The following SLC25A11 variants were observed in gnomAD, a reference collection of about 807,000 sequenced individuals.
SLC25A11 encodes solute carrier family 25 member 11, also known as mitochondrial 2-oxoglutarate/malate carrier protein.
SLC25A11 carries 11 observed loss-of-function variants against 32.7 expected under a neutral mutation model. The observed-to-expected ratio is 0.34, with a 90% CI of 0.21 to 0.56. The LOEUF is 0.56. Among genes scored for constraint, SLC25A11 ranks in the 20% least tolerant of loss-of-function variants. The probability of loss-of-function intolerance (pLI) is 0.90; values close to 1 mark genes in which losing one functional copy is unlikely to be tolerated. For synonymous variants in SLC25A11, 163 were observed against 168.3 expected, an observed-to-expected ratio of 0.97 and a Z score of 0.24; for missense variants, 295 against 426.3, an observed-to-expected ratio of 0.69 and a Z score of 2.71.
rs1045308445 is a variant in SLC25A11, at chr17:4,939,726, T to C, written c.95+90A>G. ...TCGCGCTGACCCCGTGCCGGCACAGTTCACTGCAACAGACCCAGAGATGAA... is the reference window on the plus strand; with the variant it reads ...TCGCGCTGACCCCGTGCCGGCACAGCTCACTGCAACAGACCCAGAGATGAA... On this transcript the variant is annotated intron_variant, in intron 1 of 7. Coordinates refer to ENST00000225665, the MANE Select transcript of SLC25A11 (RefSeq NM_003562.5). This position sits in a 1 kb window ranked among gnomAD's most constrained non-coding sequence, Gnocchi z 4.1. The C allele has an allele frequency of 1.1e-5, 11 of 1,030,224 alleles. No individual in the cohort carries two copies. Among genetic ancestry groups the C allele is most frequent in the Non-Finnish European group, 1.6e-5 (11 of 675,732 alleles). The allele number at this position is 1,030,224 out of a possible 1,614,324, so 63.8% of individuals were successfully genotyped here. A position where few individuals can be genotyped will look rare whatever the true frequency, so the allele number is the denominator to read the frequency against.
In SLC25A11 at chr17:4,938,240, G is replaced by A; in HGVS notation, c.651C>T (p.Asp217=). Residue 217 remains aspartate (D), a synonymous_variant, in exon 6 of 8, where the codon GAC becomes GAT. Coordinates refer to ENST00000225665, the MANE Select transcript of SLC25A11 (RefSeq NM_003562.5). This position sits in a 1 kb window ranked among gnomAD's most constrained non-coding sequence, Gnocchi z 7.6. ...TGGCACAGAAGTGGCACAAGATGTT[G>A]TCAGAGAAGTAGCCTGGGGGAGGTG... ...QFLLDSGYFS[D]NILCHFCASM... is the part of the protein sequence containing the mutation. The A allele has an allele frequency of 6.2e-7, 1 of 1,613,676 alleles. No homozygotes were observed. The highest frequency in any genetic ancestry group is 8.5e-7 in the Non-Finnish European group (1 of 1,179,756).
In SLC25A11 at chr17:4,939,773, C is replaced by A. The variant is rs1201997179; in HGVS notation, c.95+43G>T. 6.5e-7 allele frequency: 1 copy of A among 1,534,906 alleles called. No homozygotes were observed. The highest frequency in any genetic ancestry group is 1.7e-5 in the Admixed American group (1 of 58,330). On this transcript the variant is annotated intron_variant, in intron 1 of 7. Coordinates refer to ENST00000225665, the MANE Select transcript of SLC25A11 (RefSeq NM_003562.5). This position sits in a 1 kb window ranked among gnomAD's most constrained non-coding sequence, Gnocchi z 4.1. ...TGAACCGGGCCCGGTTCCTTTTGCC[C>A]TTCCCTTCCTCCTCTTTTCCCATCC...
rs1970496347 is a variant in SLC25A11 at position 4,938,505 on chromosome 17, C to A, written c.546+7G>T. On this transcript the variant is annotated splice_region_variant and intron_variant, in intron 4 of 7. Coordinates refer to ENST00000225665, the MANE Select transcript of SLC25A11 (RefSeq NM_003562.5). This position sits in a 1 kb window ranked among gnomAD's most constrained non-coding sequence, Gnocchi z 7.6. ...ACAGCCCCCAAGTCTCCAGCCCCTCCACTCACCCGCCACAGTGTGAGGACA... is the reference window on the plus strand; with the variant it reads ...ACAGCCCCCAAGTCTCCAGCCCCTCAACTCACCCGCCACAGTGTGAGGACA... The A allele has an allele frequency of 6.2e-7, 1 of 1,613,746 alleles. No homozygotes were observed. Among genetic ancestry groups the A allele is most frequent in the Non-Finnish European group, 8.5e-7 (1 of 1,179,800 alleles).
chr17:4,939,865 G>A lies in SLC25A11; in HGVS notation c.46C>T (p.Pro16Ser). The A allele has an allele frequency of 1.9e-6, 3 of 1,612,272 alleles. No individual in the cohort carries two copies. The highest frequency in any genetic ancestry group is 2.5e-6 in the Non-Finnish European group (3 of 1,179,586). Residue 16 changes from proline (P) to serine (S), a missense_variant, in exon 1 of 8, where the codon CCC becomes TCC. Around this residue, in one of 3 missense-constraint regions of SLC25A11, gnomAD observed 104 missense variants for 121.5 expected, o/e 0.86. Transcript: ENST00000225665. This position sits in a 1 kb window ranked among gnomAD's most constrained non-coding sequence, Gnocchi z 4.1. ...TTGACGGACTTAGGGGAGGTACGGG[G>A]CTTCCCGTCTATCCCGCCGGCCCCG... ...SAGAGGIDGK[P>S]RTSPKSVKFL...
Position 4,939,845 on chromosome 17 carries a change from G to A in SLC25A11, c.66C>T (p.Ser22=), listed in dbSNP as rs185637894. ...IDGKPRTSPK[S]VKFLFGGLAG... ...CCAGGCCCCCAAACAGGAACTTGACGGACTTAGGGGAGGTACGGGGCTTCC... is the reference window on the plus strand; with the variant it reads ...CCAGGCCCCCAAACAGGAACTTGACAGACTTAGGGGAGGTACGGGGCTTCC... The change falls in exon 1 of 8, where the codon TCC becomes TCT. Residue 22 remains serine (S), a synonymous_variant. Coordinates refer to ENST00000225665, the MANE Select transcript of SLC25A11 (RefSeq NM_003562.5). The surrounding 1 kb of genome is among the most constrained non-coding windows in gnomAD (Gnocchi z 4.1). 106 of 1,612,626 alleles carry A rather than the reference G, an allele frequency of 6.6e-5. No homozygotes were observed. The highest frequency in any genetic ancestry group is 8.6e-5 in the Non-Finnish European group (102 of 1,179,696).
chr17:4,937,664 G>A lies in SLC25A11; in HGVS notation c.*77C>T, dbSNP rs987695589. On this transcript the variant is annotated 3_prime_UTR_variant, in exon 8 of 8. Transcript: ENST00000225665. ...CTGTGGAAGGGAAATAAATAGAGGG[G>A]TCCAGGGCAGCAGAGCCCAGGCCCC... The A allele has an allele frequency of 3.4e-6, 5 of 1,490,538 alleles. No homozygotes were observed. Among genetic ancestry groups the A allele is most frequent in the South Asian group, 2.6e-5 (2 of 75,476 alleles). 92.3% of individuals were successfully genotyped at this position (1,490,538 alleles called of 1,614,324 possible). A position where few individuals can be genotyped will look rare whatever the true frequency, so the allele number is the denominator to read the frequency against.
chr17:4,939,678 G>C lies in SLC25A11; in HGVS notation c.95+138C>G, dbSNP rs1970590357. On this transcript the variant is annotated intron_variant, in intron 1 of 7. Transcript: ENST00000225665. This position sits in a 1 kb window ranked among gnomAD's most constrained non-coding sequence, Gnocchi z 4.1. ...GCAATGGGGCCCTAGCAGCCCATCG[G>C]GGAACTCGCAATACGCTGGAGATCG... 1.3e-6 allele frequency: 1 copy of C among 741,916 alleles called. No individual in the cohort carries two copies. Among genetic ancestry groups the C allele is most frequent in the African/African-American group, 1.8e-5 (1 of 55,280 alleles). 46.0% of individuals were successfully genotyped at this position (741,916 alleles called of 1,614,324 possible).
In SLC25A11 at chr17:4,937,798, G is replaced by C; in HGVS notation, c.888C>G (p.Thr296=). 1 of 1,614,176 alleles carries C rather than the reference G, an allele frequency of 6.2e-7. No individual in the cohort carries two copies. Among genetic ancestry groups the C allele is most frequent in the East Asian group, 2.2e-5 (1 of 44,894 alleles). Residue 296 remains threonine (T), a synonymous_variant, in exon 8 of 8, where the codon ACC becomes ACG. Coordinates refer to ENST00000225665, the MANE Select transcript of SLC25A11 (RefSeq NM_003562.5). ...TGTTCATCTGCTCCAAGAAGATGAA[G>C]GTGAGGACGGTGTGGGGGCCCAGGC... ...YARLGPHTVL[T]FIFLEQMNKA... is the part of the protein sequence containing the mutation.
chr17:4,939,143 C>A lies in SLC25A11; in HGVS notation c.165G>T (p.Gly55=). The change falls in exon 2 of 8, where the codon GGG becomes GGT. Residue 55 remains glycine, a synonymous_variant. Coordinates refer to ENST00000225665, the MANE Select transcript of SLC25A11 (RefSeq NM_003562.5). This position sits in a 1 kb window ranked among gnomAD's most constrained non-coding sequence, Gnocchi z 4.1. ...VKNRMQLSGE[G]AKTREYKTSF... ...TGGTTTTGTACTCTCGAGTCTTGGC[C>A]CCTTCCCCGCTCAACTGCATCCGGT... 1 of 1,613,976 alleles carries A rather than the reference C, an allele frequency of 6.2e-7. No homozygotes were observed. The highest frequency in any genetic ancestry group is 1.6e-4 in the Middle Eastern group (1 of 6,062).
In SLC25A11 at chr17:4,938,582, C is replaced by T. The variant is rs1027843953; in HGVS notation, c.476G>A (p.Arg159His). ...ADGRLPADQRRGYKNVFNALI... is the reference protein window; with the variant it reads ...ADGRLPADQRHGYKNVFNALI... Reference sequence around the variant, plus strand: ...GGCGTTAAACACATTTTTGTAGCCACGGCGCTGGTCAGCTGGAAGCCTGGT... The same window carrying T: ...GGCGTTAAACACATTTTTGTAGCCATGGCGCTGGTCAGCTGGAAGCCTGGT... The change falls in exon 4 of 8, where the codon CGT (arginine) becomes CAT (histidine). Residue 159 changes from arginine (R) to histidine (H), a missense_variant. Around this residue, in one of 3 missense-constraint regions of SLC25A11, gnomAD observed 49 missense variants for 106.9 expected, o/e 0.46. Transcript: ENST00000225665. This position sits in a 1 kb window ranked among gnomAD's most constrained non-coding sequence, Gnocchi z 7.6. 4 of 1,614,050 alleles carry T rather than the reference C, an allele frequency of 2.5e-6. No individual in the cohort carries two copies. Among genetic ancestry groups the T allele is most frequent in the South Asian group, 1.1e-5 (1 of 91,084 alleles).
Position 4,939,934 on chromosome 17 carries a change from C to T in SLC25A11, c.-24G>A. 6.3e-7 allele frequency: 1 copy of T among 1,587,464 alleles called. No individual in the cohort carries two copies. The highest frequency in any genetic ancestry group is 1.4e-5 in the African/African-American group (1 of 73,006). On this transcript the variant is annotated 5_prime_UTR_variant, in exon 1 of 8. Coordinates refer to ENST00000225665, the MANE Select transcript of SLC25A11 (RefSeq NM_003562.5). The surrounding 1 kb of genome is among the most constrained non-coding windows in gnomAD (Gnocchi z 4.1). ...ATCGCCACTCAATGGCCCTCGGCTC[C>T]GGGTCCCGTGCGCGCGCGGCCCCGC... is the stretch of plus-strand genomic sequence containing the variant.
In SLC25A11 at chr17:4,938,060, C is replaced by T. The variant is rs756175623; in HGVS notation, c.752G>A (p.Arg251Gln). Residue 251 changes from arginine to glutamine, a missense_variant, in exon 7 of 8, where the codon CGG (arginine) becomes CAG (glutamine). By Grantham distance (43) the Arg-to-Gln change is conservative (BLOSUM62 1). Coordinates refer to ENST00000225665, the MANE Select transcript of SLC25A11 (RefSeq NM_003562.5). The surrounding 1 kb of genome is among the most constrained non-coding windows in gnomAD (Gnocchi z 7.6). ...GTATTCCGGCTTCCCATCAATCATC[C>T]GCATGTTCTGGATTCTGCAGGAGAG... ...DIAKTRIQNM[R>Q]MIDGKPEYKN... The T allele has an allele frequency of 3.7e-6, 6 of 1,614,156 alleles. No homozygotes were observed. Among genetic ancestry groups the T allele is most frequent in the Admixed American group, 3.3e-5 (2 of 60,020 alleles).
chr17:4,939,964 G>C lies in SLC25A11; in HGVS notation c.-54C>G. ...CCCGTGCGCGCGCGGCCCCGCTCGCGCCCAAGGTGACACCGCGCGCGCAAC... is the reference window on the plus strand; with the variant it reads ...CCCGTGCGCGCGCGGCCCCGCTCGCCCCCAAGGTGACACCGCGCGCGCAAC... On this transcript the variant is annotated 5_prime_UTR_variant, in exon 1 of 8. Transcript: ENST00000225665. The surrounding 1 kb of genome is among the most constrained non-coding windows in gnomAD (Gnocchi z 4.1). 7.1e-7 allele frequency: 1 copy of C among 1,412,492 alleles called. No homozygotes were observed. Among genetic ancestry groups the C allele is most frequent in the Non-Finnish European group, 9.6e-7 (1 of 1,045,664 alleles). 87.5% of individuals were successfully genotyped at this position (1,412,492 alleles called of 1,614,324 possible). A position where few individuals can be genotyped will look rare whatever the true frequency, so the allele number is the denominator to read the frequency against.
In SLC25A11 at chr17:4,939,998, GGC is replaced by G; in HGVS notation, c.-90_-89del. 1.1e-6 allele frequency: 1 copy of G among 920,924 alleles called. No individual in the cohort carries two copies. Among genetic ancestry groups the G allele is most frequent in the Admixed American group, 4.2e-5 (1 of 23,974 alleles). 57.0% of individuals were successfully genotyped at this position (920,924 alleles called of 1,614,324 possible). On this transcript the variant is annotated 5_prime_UTR_variant, in exon 1 of 8. Transcript: ENST00000225665. This position sits in a 1 kb window ranked among gnomAD's most constrained non-coding sequence, Gnocchi z 4.1. ...GACACCGCGCGCGCAACAGAGCGAG[GGC>G]GCGCGCACGCCCCTCCAGCTCTCAG...
chr17:4,939,724 A>C lies in SLC25A11; in HGVS notation c.95+92T>G. 1.0e-6 allele frequency: 1 copy of C among 997,626 alleles called. No homozygotes were observed. Among genetic ancestry groups the C allele is most frequent in the Non-Finnish European group, 1.5e-6 (1 of 647,696 alleles). 61.8% of individuals were successfully genotyped at this position (997,626 alleles called of 1,614,324 possible). A position where few individuals can be genotyped will look rare whatever the true frequency, so the allele number is the denominator to read the frequency against. ...GATCGCGCTGACCCCGTGCCGGCAC[A>C]GTTCACTGCAACAGACCCAGAGATG... On this transcript the variant is annotated intron_variant, in intron 1 of 7. Transcript: ENST00000225665. This position sits in a 1 kb window ranked among gnomAD's most constrained non-coding sequence, Gnocchi z 4.1.
chr17:4,937,981 G>A (rs778734764), intron 7 of SLC25A11, 42 bp downstream of exon 7: 11 of 1,613,222 alleles, frequency 6.8e-6, no homozygotes, highest in African/African-American at 1.3e-5. Flanking sequence ...TTTCCCAGGG[G>A]ATCCGACACC....
At position 4,939,227 on chromosome 17, in the gene SLC25A11, A is replaced by G. The variant is rs745703528; in HGVS notation, c.96-15T>C. 3.0e-5 allele frequency: 48 copies of G among 1,597,490 alleles called. No individual in the cohort carries two copies. The highest frequency in any genetic ancestry group is 3.9e-5 in the Non-Finnish European group (45 of 1,167,254). ...TAGCTCCCATCCTGGGGGAAGACAG[A>G]GGTGGAGTGAAGGGCCAGGCATTCC... On this transcript the variant is annotated splice_polypyrimidine_tract_variant and intron_variant, in intron 1 of 7. Coordinates refer to ENST00000225665, the MANE Select transcript of SLC25A11 (RefSeq NM_003562.5). This position sits in a 1 kb window ranked among gnomAD's most constrained non-coding sequence, Gnocchi z 4.1.
In SLC25A11 at chr17:4,937,734, G is replaced by A. The variant is rs372914751; in HGVS notation, c.*7C>T. On this transcript the variant is annotated 3_prime_UTR_variant, in exon 8 of 8. Coordinates refer to ENST00000225665, the MANE Select transcript of SLC25A11 (RefSeq NM_003562.5). The stretch of plus-strand genomic sequence containing the variant: ...GCGCAGCAGGCGAGTGGGAGCCCCC[G>A]GCCGCTTCAGCCACTGAGGAAGAGA... 1,701 of 1,600,108 alleles carry A rather than the reference G, an allele frequency of 1.1e-3. 3 individuals are homozygous for A. The highest frequency in any genetic ancestry group is 1.7e-3 in the Admixed American group (98 of 57,848).
At position 4,939,848 on chromosome 17, in the gene SLC25A11, C is replaced by G; in HGVS notation, c.63G>C (p.Lys21Asn). 1 of 1,612,894 alleles carries G rather than the reference C, an allele frequency of 6.2e-7. No homozygotes were observed. Among genetic ancestry groups the G allele is most frequent in the Non-Finnish European group, 8.5e-7 (1 of 1,179,764 alleles). ...GIDGKPRTSP[K>N]SVKFLFGGLA... is the part of the protein sequence containing the mutation. Reference sequence around the variant, plus strand: ...GGCCCCCAAACAGGAACTTGACGGACTTAGGGGAGGTACGGGGCTTCCCGT... The same window carrying G: ...GGCCCCCAAACAGGAACTTGACGGAGTTAGGGGAGGTACGGGGCTTCCCGT... The change falls in exon 1 of 8, where the codon AAG becomes AAC. Residue 21 changes from lysine (K) to asparagine (N), a missense_variant. Lys to Asn is a moderately conservative substitution (Grantham distance 94, BLOSUM62 0). Coordinates refer to ENST00000225665, the MANE Select transcript of SLC25A11 (RefSeq NM_003562.5). This position sits in a 1 kb window ranked among gnomAD's most constrained non-coding sequence, Gnocchi z 4.1.
Sources: gnomAD v4.1 joint callset for allele counts on GRCh38, gnomAD v4.1.1 for gene constraint, gnomAD v4.1.1 regional missense constraint, Gnocchi (gnomAD v3.1) non-coding constraint, MANE v1.5 for transcripts, NCBI Gene and HGNC (gene_info 2026-07-23, HGNC 2026-07-21) for gene names.